Variants in ARHGAP20 observed in about 807,000 individuals in gnomAD.
ARHGAP20 encodes rho GTPase-activating protein 20.
Under a neutral mutation model 73.7 loss-of-function variants are expected in ARHGAP20, and 34 were observed. That is an observed-to-expected ratio of 0.46 (90% CI 0.35 to 0.61). The LOEUF (loss-of-function observed/expected upper bound fraction) is 0.61. Ranked by LOEUF, ARHGAP20 falls within the 20% of genes least tolerant of loss-of-function variation. ARHGAP20 has a pLI of 0.00. For missense variants in ARHGAP20, 1,314 were observed against 1,420.9 expected (o/e 0.92, Z 1.21); for synonymous variants, 523 against 518.2 (o/e 1.01, Z -0.13).
intron 1 of ARHGAP20, among the ~76,000 whole-genome samples, chr11:110,705,574 T>A (rs558643288): frequency 6.6e-6 from 1 of 152,228 alleles, no homozygotes; most frequent in Non-Finnish European, 1.5e-5. Context: ...TATAAAACTA[T>A]AATTTATTGT....
At chr11:110,614,786 A>T in intron 5 of ARHGAP20, 141 bp from the exon 6 acceptor site, 1 of 601,980 alleles carries the variant, frequency 1.7e-6, no homozygotes. Context: ...GAGAAGACTC[A>T]GCAAAGTCAG....
intron 9 of ARHGAP20, among the ~76,000 whole-genome samples, chr11:110,593,143 G>T (rs937492209): frequency 6.6e-6 from 1 of 152,190 alleles, no homozygotes; most frequent in African/African-American, 2.4e-5. Context: ...TCCATCTAGT[G>T]AGTACTCACT....
At chr11:110,594,327 C>T (rs57999988) in intron 9 of ARHGAP20, among the ~76,000 whole-genome samples, 17,747 of 152,170 alleles carry the variant, frequency 0.12, 1,365 homozygotes, top group African/African-American at 0.21. Flanking sequence ...CTTATTTGGA[C>T]CAAGTTACTT....
At chr11:110,703,253 G>T (rs1037336356) in intron 1 of ARHGAP20, among the ~76,000 whole-genome samples, 1 of 152,118 alleles carries the variant, frequency 6.6e-6, no homozygotes, top group Admixed American at 6.6e-5. Context: ...TCTGAAGAAA[G>T]AATTGATTTT....
chr11:110,648,483 A>AT (rs1949276539), intron 2 of ARHGAP20, among the ~76,000 whole-genome samples: 1 of 131,210 alleles, frequency 7.6e-6, no homozygotes, highest in African/African-American at 2.8e-5. Flanking sequence ...CCATAACATG[A>AT]ATTTTTTTTT....
intron 3 of ARHGAP20, among the ~76,000 whole-genome samples, chr11:110,628,793 G>A (rs1418352334): frequency 1.3e-5 from 2 of 152,090 alleles, no homozygotes; most frequent in Non-Finnish European, 2.9e-5. Context: ...CCTTATGTGA[G>A]AAAGGGACAA....
intron 2 of ARHGAP20, among the ~76,000 whole-genome samples, chr11:110,667,279 C>G (rs1015453513): frequency 2.6e-5 from 4 of 152,188 alleles, no homozygotes; most frequent in African/African-American, 7.2e-5. Context: ...GGGGCTAATG[C>G]AGCTGGTGAC....
At chr11:110,629,264 C>T (rs191792863) in intron 3 of ARHGAP20, among the ~76,000 whole-genome samples, 80 of 152,216 alleles carry the variant, frequency 5.3e-4, no homozygotes, top group African/African-American at 1.8e-3. Context: ...AAACCCCAGC[C>T]CTGCCATTTC....
At chr11:110,676,834 T>C (rs1949942434) in intron 2 of ARHGAP20, among the ~76,000 whole-genome samples, 1 of 151,736 alleles carries the variant, frequency 6.6e-6, no homozygotes, top group African/African-American at 2.4e-5. Flanking sequence ...TTTTAAAAAA[T>C]TGACAAAACA....
Position 110,578,848 on chromosome 11 carries a change from C to T in ARHGAP20, c.*522G>A, listed in dbSNP as rs147075906. On this transcript the variant is annotated 3_prime_UTR_variant, in exon 15 of 15. Coordinates refer to ENST00000683387, the MANE Select transcript of ARHGAP20 (RefSeq NM_001384657.1). ...GATTAGTAAGATCCCACAAAAATGG[C>T]CACTGGCTTAGATTTAGGGAAAGAT... 10 of 985,844 alleles carry T rather than the reference C, an allele frequency of 1.0e-5. No homozygotes were observed. The East Asian group carries it at 1.0e-3, about 101-fold the overall frequency. 61.1% of individuals were successfully genotyped at this position (985,844 alleles called of 1,614,324 possible).
At chr11:110,642,984 A>G (rs12807341) in intron 2 of ARHGAP20, among the ~76,000 whole-genome samples, 2,063 of 152,030 alleles carry the variant, frequency 0.014, 20 homozygotes, top group Admixed American at 0.027. Context: ...TCAGCGTTTC[A>G]GTTTCTTCCT....
chr11:110,621,303 G>A lies in ARHGAP20; in HGVS notation c.503+2859C>T, dbSNP rs763670827. 3.3e-5 allele frequency among the ~76,000 whole-genome samples: 5 copies of A among 151,956 alleles called. No individual in the cohort carries two copies. In the East Asian group the frequency reaches 9.6e-4, roughly 29 times the overall value. ...AGGGTTCAGTGAGCTGTATATTTAT[G>A]CCTTTTACCAAATTTAGGTAGTTTT... On this transcript the variant is annotated intron_variant, in intron 4 of 14. Coordinates refer to ENST00000683387, the MANE Select transcript of ARHGAP20 (RefSeq NM_001384657.1).
chr11:110,630,121 T>C (rs1565447897), intron 3 of ARHGAP20, among the ~76,000 whole-genome samples: 1 of 152,172 alleles, frequency 6.6e-6, no homozygotes, highest in Non-Finnish European at 1.5e-5. Flanking sequence ...AGTGCTAAGC[T>C]TTCCCCAACT....
At chr11:110,640,327 T>A (rs1214445359) in intron 2 of ARHGAP20, among the ~76,000 whole-genome samples, 2 of 151,984 alleles carry the variant, frequency 1.3e-5, no homozygotes, top group African/African-American at 2.4e-5. Context: ...GCCCAGATCA[T>A]TAGCTTATCA....
chr11:110,586,248 T>G lies in ARHGAP20; in HGVS notation c.1383A>C (p.Gly461=), dbSNP rs1947662358. 6.4e-7 allele frequency: 1 copy of G among 1,557,912 alleles called. No individual in the cohort carries two copies. Among genetic ancestry groups the G allele is most frequent in the Admixed American group, 1.9e-5 (1 of 53,796 alleles). ...CAGTATTTATTTTCTCTTCATCATT[T>G]CCTTGATCCATTACAGAGACCCAGT... is the stretch of plus-strand genomic sequence containing the variant. ...YDHWVSVMDQ[G]NDEEKINTVQ... Residue 461 remains glycine, a synonymous_variant, in exon 12 of 15, where the codon GGA becomes GGC. Transcript: ENST00000683387.
chr11:110,704,989 T>C (rs1329721787), intron 1 of ARHGAP20, among the ~76,000 whole-genome samples: 5 of 152,210 alleles, frequency 3.3e-5, no homozygotes, highest in African/African-American at 9.6e-5. Flanking sequence ...TGTACACACA[T>C]ATAACTTTGA....
intron 2 of ARHGAP20, among the ~76,000 whole-genome samples, chr11:110,683,645 G>C (rs182516345): frequency 6.6e-6 from 1 of 152,218 alleles, no homozygotes; most frequent in African/African-American, 2.4e-5. Flanking sequence ...ATGATTAAAA[G>C]ATATATAGGG....
At chr11:110,711,609 G>T (rs1001865371) in intron 1 of ARHGAP20, 13 of 1,485,736 alleles carry the variant, frequency 8.7e-6, no homozygotes, top group Non-Finnish European at 1.2e-5. Context: ...GCGCCTCGGC[G>T]GGCAGGTGAG....
chr11:110,660,564 T>C (rs1949586673), intron 2 of ARHGAP20, among the ~76,000 whole-genome samples: 1 of 152,106 alleles, frequency 6.6e-6, no homozygotes, highest in South Asian at 2.1e-4. Flanking sequence ...AGAGCCAATT[T>C]TTCCAAGCCC....
Sources: gnomAD v4.1 joint callset for allele counts (sites outside exome capture counted in the v4.1 genomes callset) on GRCh38, gnomAD v4.1.1 for gene constraint, MANE v1.5 for transcripts, NCBI Gene and HGNC (gene_info 2026-07-23, HGNC 2026-07-21) for gene names.